The following KLHL13 variants were observed in gnomAD, a reference collection of about 807,000 sequenced individuals.
The protein encoded by KLHL13 is kelch-like protein 13.
Under a neutral mutation model 37.1 loss-of-function variants are expected in KLHL13, and 10 were observed. The observed-to-expected ratio is 0.27, with a 90% CI of 0.17 to 0.46. The LOEUF (loss-of-function observed/expected upper bound fraction) is 0.46, where lower values mean the gene tolerates loss of function less well. KLHL13 is among the 20% of genes least tolerant of loss of function. The pLI is 1.00. For synonymous variants in KLHL13, 163 were observed against 181.2 expected (o/e 0.90, Z 0.81); for missense variants, 360 against 509.3 (o/e 0.71, Z 2.82).
intron 2 of KLHL13, among the ~76,000 whole-genome samples, chrX:117,938,478 T>G (rs765788578): frequency 1.8e-5 from 2 of 110,992 alleles, no homozygotes; most frequent in Admixed American, 1.9e-4. Context: ...ATCCCCAGAG[T>G]TTTTTATTAA....
chrX:117,917,120 T>C (rs760975661), intron 4 of KLHL13, among the ~76,000 whole-genome samples: 1 of 111,549 alleles, frequency 9.0e-6, no homozygotes, highest in East Asian at 2.8e-4. Flanking sequence ...AAAGGAAAAC[T>C]TGGGTTTTGC....
intron 2 of KLHL13, among the ~76,000 whole-genome samples, chrX:117,930,187 A>G (rs867724090): frequency 9.8e-6 from 1 of 102,237 alleles, no homozygotes; most frequent in East Asian, 3.0e-4. Flanking sequence ...GAAAGAAAAG[A>G]AAGGGAGGGC....
rs4025518 is a variant in KLHL13, at chrX:118,085,796, GGTGTGTGTGTGTGTGT to G, written c.-56+30696_-56+30711del. On this transcript the variant is annotated intron_variant, in intron 1 of 6. Coordinates refer to the KLHL13 transcript ENST00000371882. The stretch of plus-strand genomic sequence containing the variant: ...TTTTTATGGCAGAGTAATATTCCAT[GGTGTGTGTGTGTGTGT>G]GTGTGTGTGTGTGTGTGTGTGTGTG... Among the ~76,000 whole-genome samples, 123 of 85,619 alleles carry G rather than the reference GGTGTGTGTGTGTGTGT, an allele frequency of 1.4e-3. 1 individual carries two copies. The highest frequency in any genetic ancestry group is 6.0e-3 in the Middle Eastern group (1 of 168). The allele number at this position is 85,619 out of a possible 115,157, so 74.3% of individuals were successfully genotyped here.
chrX:118,073,024 G>GTC (rs1189394732), intron 1 of KLHL13, among the ~76,000 whole-genome samples: 1 of 108,642 alleles, frequency 9.2e-6, no homozygotes, highest in Non-Finnish European at 1.9e-5. Flanking sequence ...AGCCCTGGAG[G>GTC]TCAAGGCTTC....
At chrX:118,076,567 C>G (rs949417460) in intron 1 of KLHL13, among the ~76,000 whole-genome samples, 5 of 111,332 alleles carry the variant, frequency 4.5e-5, no homozygotes, top group African/African-American at 1.6e-4. Context: ...AAAAAAAGGT[C>G]TCATGGTTAA....
chrX:117,919,199 T>C (rs1931551899), intron 4 of KLHL13, among the ~76,000 whole-genome samples: 1 of 111,737 alleles, frequency 8.9e-6, no homozygotes, highest in Admixed American at 9.5e-5. Flanking sequence ...AATTTTTGTA[T>C]TTTTAGTAGA....
intron 1 of KLHL13, among the ~76,000 whole-genome samples, chrX:118,075,964 A>T (rs2054923789): frequency 9.0e-6 from 1 of 111,282 alleles, no homozygotes; most frequent in Admixed American, 9.6e-5. Context: ...TAGTTAAGAC[A>T]GTTTTTTTTT....
chrX:118,003,832 T>C (rs765178646), intron 1 of KLHL13, among the ~76,000 whole-genome samples: 3 of 110,123 alleles, frequency 2.7e-5, no homozygotes, highest in Non-Finnish European at 5.7e-5. Context: ...TCCTGAACAG[T>C]TCAATCCATT....
At chrX:117,943,292 C>T (rs373291542) in intron 2 of KLHL13, among the ~76,000 whole-genome samples, 3 of 110,924 alleles carry the variant, frequency 2.7e-5, no homozygotes, top group African/African-American at 3.3e-5. Flanking sequence ...CTGAATCTGA[C>T]GATTATGTGT....
chrX:118,013,788 C>T (rs1356447064), intron 1 of KLHL13, among the ~76,000 whole-genome samples: 1 of 112,544 alleles, frequency 8.9e-6, no homozygotes, highest in Non-Finnish European at 1.9e-5. Flanking sequence ...CGAGGCAGAA[C>T]ATAAATTGTG....
At chrX:118,075,254 A>T in intron 1 of KLHL13, among the ~76,000 whole-genome samples, 1 of 111,767 alleles carries the variant, frequency 8.9e-6, no homozygotes, top group Non-Finnish European at 1.9e-5. Context: ...GACGATGAGA[A>T]TTAGCAAGTG....
At chrX:118,102,544 T>C (rs1458205084) in intron 1 of KLHL13, among the ~76,000 whole-genome samples, 5 of 112,353 alleles carry the variant, frequency 4.5e-5, no homozygotes, top group Non-Finnish European at 7.5e-5. Context: ...GAGTACCTCA[T>C]AGAATGAAGA....
chrX:117,962,364 T>A (rs1234720438), intron 1 of KLHL13, among the ~76,000 whole-genome samples: 8 of 109,267 alleles, frequency 7.3e-5, no homozygotes, highest in African/African-American at 2.7e-4. Context: ...GGGAGGATAA[T>A]GTCTGCAGGA....
intron 1 of KLHL13, among the ~76,000 whole-genome samples, chrX:117,988,532 C>A (rs1254657249): frequency 8.9e-6 from 1 of 111,756 alleles, no homozygotes; most frequent in African/African-American, 3.2e-5. Flanking sequence ...ATTGCTCATG[C>A]TCCTATAGTC....
chrX:117,930,397 A>G (rs952271313), intron 2 of KLHL13, among the ~76,000 whole-genome samples: 2 of 110,095 alleles, frequency 1.8e-5, no homozygotes, highest in Non-Finnish European at 3.8e-5. Context: ...TATATAGGAA[A>G]ACCTATAGAA....
intron 1 of KLHL13, among the ~76,000 whole-genome samples, chrX:118,017,048 C>T (rs189683769): frequency 1.4e-3 from 152 of 110,915 alleles, no homozygotes; most frequent in South Asian, 3.4e-3. Context: ...CTAATTTTCC[C>T]GTCCTCCTTC....
intron 1 of KLHL13, among the ~76,000 whole-genome samples, chrX:118,018,662 A>G (rs1248683885): frequency 9.0e-6 from 1 of 111,610 alleles, no homozygotes; most frequent in Non-Finnish European, 1.9e-5. Context: ...ATAACTGTCC[A>G]TTTTTAAAAT....
chrX:117,979,800 C>T (rs1370052366), intron 1 of KLHL13, among the ~76,000 whole-genome samples: 2 of 102,817 alleles, frequency 1.9e-5, no homozygotes, highest in African/African-American at 6.6e-5. Flanking sequence ...TATATATATA[C>T]TTTCTTAAAT....
chrX:118,045,670 G>A (rs998416214), intron 1 of KLHL13, among the ~76,000 whole-genome samples: 7 of 110,608 alleles, frequency 6.3e-5, no homozygotes, highest in South Asian at 7.8e-4. Flanking sequence ...GTAGATGGGC[G>A]TGGTGGTGCA....
Sources: gnomAD v4.1 joint callset for allele counts (sites outside exome capture counted in the v4.1 genomes callset) on GRCh38, gnomAD v4.1.1 for gene constraint, MANE v1.5 for transcripts, NCBI Gene and HGNC (gene_info 2026-07-23, HGNC 2026-07-21) for gene names.